The following ADAM12 variants were observed in gnomAD, a reference collection of about 807,000 sequenced individuals.
ADAM12 encodes the protein ADAM metallopeptidase domain 12, also known as disintegrin and metalloproteinase domain-containing protein 12.
Under a neutral mutation model 106.4 loss-of-function variants are expected in ADAM12, and 70 were observed. The observed-to-expected ratio is 0.66, with a 90% CI of 0.54 to 0.80. The LOEUF is 0.80. Ranked by LOEUF, ADAM12 falls within the 30% of genes least tolerant of loss-of-function variation. ADAM12 has a pLI of 0.00. For missense variants in ADAM12, 1,010 were observed against 1,171.9 expected (o/e 0.86, Z 2.02); for synonymous variants, 420 against 433.5 (o/e 0.97, Z 0.39).
chr10:126,125,580 T>C (rs1956192476), intron 5 of ADAM12, among the ~76,000 whole-genome samples: 1 of 152,016 alleles, frequency 6.6e-6, no homozygotes, highest in African/African-American at 2.4e-5. Flanking sequence ...ACAGCAATCC[T>C]GTAAAGCAGA....
intron 4 of ADAM12, among the ~76,000 whole-genome samples, chr10:126,143,299 T>C (rs915019161): frequency 6.9e-6 from 1 of 145,720 alleles, no homozygotes; most frequent in Non-Finnish European, 1.5e-5. Flanking sequence ...TGTGTGTGCA[T>C]GTGGGTGTGC....
chr10:126,266,089 T>C (rs545736433), intron 3 of ADAM12, among the ~76,000 whole-genome samples: 3 of 152,282 alleles, frequency 2.0e-5, no homozygotes, highest in African/African-American at 7.2e-5. Context: ...ACACAGGCGA[T>C]GGGTACATAG....
At chr10:126,038,952 CTTT>C (rs34277276) in intron 19 of ADAM12, among the ~76,000 whole-genome samples, 22 of 71,540 alleles carry the variant, frequency 3.1e-4, no homozygotes, top group African/African-American at 7.5e-4. Context: ...GACACCATTT[CTTT>C]TTTTTTTTTT....
chr10:126,086,550 G>A (rs527943886), intron 11 of ADAM12, among the ~76,000 whole-genome samples: 116 of 142,874 alleles, frequency 8.1e-4, no homozygotes, highest in Non-Finnish European at 1.2e-3. Context: ...GGTGGTGCAC[G>A]CCTGTAATCC....
chr10:126,017,086 AT>A lies in ADAM12; in HGVS notation c.*192del. The stretch of plus-strand genomic sequence containing the variant: ...AATCAACATTCTGCATAAATTAATA[AT>A]TTACAAGTACCTGAGCAAGTAGACA... On this transcript the variant is annotated 3_prime_UTR_variant, in exon 23 of 23. Coordinates refer to ENST00000448723, the MANE Select transcript of ADAM12 (RefSeq NM_001288973.2). 1.8e-6 allele frequency: 1 copy of A among 544,394 alleles called. No homozygotes were observed. Among genetic ancestry groups the A allele is most frequent in the Non-Finnish European group, 3.3e-6 (1 of 306,348 alleles). The allele number at this position is 544,394 out of a possible 1,614,324, so 33.7% of individuals were successfully genotyped here. A position where few individuals can be genotyped will look rare whatever the true frequency, so the allele number is the denominator to read the frequency against.
intron 18 of ADAM12, among the ~76,000 whole-genome samples, chr10:126,039,936 A>G (rs1408521623): frequency 1.3e-5 from 2 of 152,232 alleles, no homozygotes; most frequent in Non-Finnish European, 2.9e-5. Flanking sequence ...CTCAAAGTAG[A>G]TAGTGAAAAA....
chr10:126,171,385 G>A (rs116472471), intron 3 of ADAM12, among the ~76,000 whole-genome samples: 2,654 of 152,200 alleles, frequency 0.017, 78 homozygotes, highest in African/African-American at 0.061. Flanking sequence ...TTAAAAAACC[G>A]TGGCAGGGGT....
At chr10:126,347,243 C>T (rs934683437) in intron 1 of ADAM12, among the ~76,000 whole-genome samples, 2 of 152,100 alleles carry the variant, frequency 1.3e-5, no homozygotes, top group African/African-American at 2.4e-5. Context: ...TCAGCATTTG[C>T]GTGTCTGTAA....
At chr10:126,272,211 C>T (rs1959181163) in intron 3 of ADAM12, among the ~76,000 whole-genome samples, 1 of 152,192 alleles carries the variant, frequency 6.6e-6, no homozygotes, top group African/African-American at 2.4e-5. Context: ...TCACTACTCT[C>T]CCTCCAGGGT....
chr10:126,292,390 T>A (rs988613705), intron 2 of ADAM12, among the ~76,000 whole-genome samples: 1 of 152,220 alleles, frequency 6.6e-6, no homozygotes, highest in Non-Finnish European at 1.5e-5. Context: ...CCACAGTTCC[T>A]TCTATTCCTG....
At position 126,087,189 on chromosome 10, in the gene ADAM12, G is replaced by A. The variant is rs183942606; in HGVS notation, c.1145+6796C>T. ...ACCTCTATTTTGTGTACAGCTTAAC[G>A]GGGAGGACAATTCTAACTTGGGCAG... On this transcript the variant is annotated intron_variant, in intron 11 of 22. Coordinates refer to ENST00000448723, the MANE Select transcript of ADAM12 (RefSeq NM_001288973.2). Among the ~76,000 whole-genome samples, 48 of 152,214 alleles carry A rather than the reference G, an allele frequency of 3.2e-4. No homozygotes were observed. The East Asian group carries it at 6.8e-3, about 21-fold the overall frequency.
In ADAM12 at chr10:126,108,308, T is replaced by C. The variant is rs530381695; in HGVS notation, c.741+285A>G. Among the ~76,000 whole-genome samples, 11 of 152,252 alleles carry C rather than the reference T, an allele frequency of 7.2e-5. No homozygotes were observed. In the South Asian group the frequency reaches 2.1e-3, roughly 29 times the overall value. On this transcript the variant is annotated intron_variant, in intron 8 of 22. Transcript: ENST00000448723. ...GTGAACTCTGTAGGGGTTCTGGAGC[T>C]AATCGGGAAGTCCAAAACACCCTCA...
chr10:126,132,633 T>C (rs1245080655), intron 5 of ADAM12, among the ~76,000 whole-genome samples: 3 of 151,630 alleles, frequency 2.0e-5, no homozygotes, highest in Non-Finnish European at 2.9e-5. Flanking sequence ...TCACTGCATT[T>C]GTTTACTGTT....
intron 3 of ADAM12, among the ~76,000 whole-genome samples, chr10:126,225,537 C>G (rs1047912560): frequency 6.6e-6 from 1 of 152,118 alleles, no homozygotes; most frequent in African/African-American, 2.4e-5. Flanking sequence ...GCCGTGAGCC[C>G]GACTGCATAA....
At chr10:126,249,763 C>T (rs533751119) in intron 3 of ADAM12, among the ~76,000 whole-genome samples, 86 of 152,290 alleles carry the variant, frequency 5.6e-4, no homozygotes, top group African/African-American at 1.9e-3. Flanking sequence ...ATTTAAATTG[C>T]AGGAATTCTG....
chr10:126,185,482 GT>G (rs5788774), intron 3 of ADAM12, among the ~76,000 whole-genome samples: 64,138 of 148,342 alleles, frequency 0.43, 16,662 homozygotes, highest in African/African-American at 0.73. Flanking sequence ...GTTAACATCT[GT>G]TTTTTTTTTT....
chr10:126,173,022 C>T (rs1957147483), intron 3 of ADAM12, among the ~76,000 whole-genome samples: 4 of 152,152 alleles, frequency 2.6e-5, no homozygotes. Flanking sequence ...AAACCCACAC[C>T]ACATGTTCTC....
At chr10:126,384,448 A>C (rs1856591347) in intron 1 of ADAM12, among the ~76,000 whole-genome samples, 1 of 152,206 alleles carries the variant, frequency 6.6e-6, no homozygotes, top group African/African-American at 2.4e-5. Flanking sequence ...CAGATGATTC[A>C]ACACAGGAAG....
intron 3 of ADAM12, among the ~76,000 whole-genome samples, chr10:126,235,902 C>T (rs543441689): frequency 2.6e-5 from 4 of 151,890 alleles, no homozygotes; most frequent in African/African-American, 4.8e-5. Flanking sequence ...GGGGAACACA[C>T]GGAGGAGGGG....
Sources: gnomAD v4.1 joint callset for allele counts (sites outside exome capture counted in the v4.1 genomes callset) on GRCh38, gnomAD v4.1.1 for gene constraint, MANE v1.5 for transcripts, NCBI Gene and HGNC (gene_info 2026-07-23, HGNC 2026-07-21) for gene names.